Variants in CEP128 observed in about 807,000 individuals in gnomAD.
CEP128 encodes the protein centrosomal protein 128.
Under a neutral mutation model 156.7 loss-of-function variants are expected in CEP128, and 132 were observed. The observed-to-expected ratio is 0.84, with a 90% CI of 0.73 to 0.97. The LOEUF (loss-of-function observed/expected upper bound fraction) is 0.97. CEP128 is among the 50% of genes least tolerant of loss of function. CEP128 has a pLI of 0.00. For synonymous variants in CEP128, 469 were observed against 448.9 expected, an observed-to-expected ratio of 1.04 and a Z score of -0.57; for missense variants, 1,252 against 1,281.9, an observed-to-expected ratio of 0.98 and a Z score of 0.36.
chr14:80,947,638 A>G (rs758291721), intron 2 of CEP128, among the ~76,000 whole-genome samples: 1 of 152,206 alleles, frequency 6.6e-6, no homozygotes, highest in Non-Finnish European at 1.5e-5. Flanking sequence ...GAGTCATGCT[A>G]TAAACAAATG....
At chr14:80,652,526 C>T (rs1467801249) in intron 19 of CEP128, among the ~76,000 whole-genome samples, 2 of 151,986 alleles carry the variant, frequency 1.3e-5, no homozygotes, top group African/African-American at 2.4e-5. Flanking sequence ...AAAAAGTGGG[C>T]AAAGGATATG....
intron 8 of CEP128, among the ~76,000 whole-genome samples, chr14:80,874,554 A>C (rs1312589275): frequency 6.6e-6 from 1 of 152,230 alleles, no homozygotes; most frequent in African/African-American, 2.4e-5. Flanking sequence ...TCACTTCCAG[A>C]AATAACAGAC....
chr14:80,506,924 G>A (rs577932265), intron 23 of CEP128, among the ~76,000 whole-genome samples: 2 of 152,182 alleles, frequency 1.3e-5, no homozygotes, highest in South Asian at 4.2e-4. Context: ...GGCCTGCTGG[G>A]AGGTGGTTGG....
In CEP128 at chr14:80,559,277, A is replaced by T; in HGVS notation, c.2880+2T>A. ...AAGGAGAAAGAAAATGCCCCAACTT[A>T]CCGTTTCTAATGCAATTACACGGTC... On this transcript the variant is annotated splice_donor_variant, in intron 21 of 24. Coordinates refer to ENST00000555265, the MANE Select transcript of CEP128 (RefSeq NM_152446.5). LOFTEE classifies it high-confidence loss of function. 6.2e-7 allele frequency: 1 copy of T among 1,605,318 alleles called. No individual in the cohort carries two copies. Among genetic ancestry groups the T allele is most frequent in the Non-Finnish European group, 8.5e-7 (1 of 1,176,052 alleles).
chr14:80,940,166 C>G (rs1238868639), intron 1 of CEP128, among the ~76,000 whole-genome samples: 1 of 149,844 alleles, frequency 6.7e-6, no homozygotes, highest in Non-Finnish European at 1.5e-5. Context: ...TAAACCATTT[C>G]AAGAAAAAAA....
chr14:80,700,777 T>C (rs1042058599), intron 19 of CEP128, among the ~76,000 whole-genome samples: 1 of 152,154 alleles, frequency 6.6e-6, no homozygotes, highest in Admixed American at 6.5e-5. Context: ...AAATAGGATT[T>C]ATCAAGCACA....
intron 19 of CEP128, among the ~76,000 whole-genome samples, chr14:80,738,050 A>G (rs369652196): frequency 5.4e-4 from 82 of 152,354 alleles, no homozygotes; most frequent in African/African-American, 2.0e-3. Context: ...CTGTTTTGGG[A>G]CTAAAGGACA....
chr14:80,769,572 C>T lies in CEP128; in HGVS notation c.2377-7959G>A, dbSNP rs921988915. On this transcript the variant is annotated intron_variant, in intron 16 of 24. Coordinates refer to ENST00000555265, the MANE Select transcript of CEP128 (RefSeq NM_152446.5). Reference sequence around the variant, plus strand: ...GTTTCCAGCTTCATCCATGTCCCTACAAAGGACATGAACTCATCCTTTTTT... The same window carrying T: ...GTTTCCAGCTTCATCCATGTCCCTATAAAGGACATGAACTCATCCTTTTTT... Among the ~76,000 whole-genome samples, 27 of 152,282 alleles carry T rather than the reference C, an allele frequency of 1.8e-4. No homozygotes were observed. In the East Asian group the frequency reaches 5.2e-3, roughly 29 times the overall value.
intron 19 of CEP128, among the ~76,000 whole-genome samples, chr14:80,596,712 C>T: frequency 7.4e-6 from 1 of 135,334 alleles, no homozygotes; most frequent in Non-Finnish European, 1.5e-5. Context: ...ACTTGGGAGG[C>T]TGAGGCAGAA....
At chr14:80,641,292 C>T (rs1279350725) in intron 19 of CEP128, among the ~76,000 whole-genome samples, 1 of 152,220 alleles carries the variant, frequency 6.6e-6, no homozygotes, top group East Asian at 1.9e-4. Context: ...CTGCTTCTAA[C>T]TGAATCTTTA....
At chr14:80,665,853 C>T (rs1566843440) in intron 19 of CEP128, among the ~76,000 whole-genome samples, 1 of 151,838 alleles carries the variant, frequency 6.6e-6, no homozygotes, top group Admixed American at 6.6e-5. Context: ...AAAAAAAATA[C>T]AGCTACACCA....
intron 19 of CEP128, among the ~76,000 whole-genome samples, chr14:80,615,670 G>C (rs1893178569): frequency 6.6e-6 from 1 of 152,020 alleles, no homozygotes; most frequent in Admixed American, 6.6e-5. Context: ...CCAATATAAT[G>C]AAACCCCATC....
intron 8 of CEP128, among the ~76,000 whole-genome samples, chr14:80,889,695 C>A (rs1888990438): frequency 6.6e-6 from 1 of 152,122 alleles, no homozygotes; most frequent in Non-Finnish European, 1.5e-5. Flanking sequence ...ACAGCCAATA[C>A]CTTTCAGGAC....
At chr14:80,821,552 T>G (rs1885170924) in intron 13 of CEP128, among the ~76,000 whole-genome samples, 1 of 151,366 alleles carries the variant, frequency 6.6e-6, no homozygotes, top group Non-Finnish European at 1.5e-5. Context: ...TTATCAATAC[T>G]TCATATTTTC....
chr14:80,600,332 C>T (rs1299211390), intron 19 of CEP128, among the ~76,000 whole-genome samples: 2 of 152,124 alleles, frequency 1.3e-5, no homozygotes, highest in Non-Finnish European at 2.9e-5. Context: ...CACCTAGATA[C>T]ATCATAATCA....
At position 80,551,464 on chromosome 14, in the gene CEP128, A is replaced by G. The variant is rs577164772; in HGVS notation, c.2880+7815T>C. On this transcript the variant is annotated intron_variant, in intron 21 of 24. Transcript: ENST00000555265. The stretch of plus-strand genomic sequence containing the variant: ...AAAGCCAGTCCTTACTGTCAAACCA[A>G]TCAGACAAATCACACTTGCTTTATG... Among the ~76,000 whole-genome samples, 496 of 152,322 alleles carry G rather than the reference A, an allele frequency of 3.3e-3. 4 individuals are homozygous for G. Among genetic ancestry groups the G allele is most frequent in the African/African-American group, 0.011 (474 of 41,572 alleles).
At chr14:80,761,684 G>T in intron 16 of CEP128, 71 bp from the exon 17 acceptor site, 1 of 1,098,068 alleles carries the variant, frequency 9.1e-7, no homozygotes, top group South Asian at 1.9e-5. Context: ...TGTAATATCT[G>T]TTCAACCAAC....
intron 8 of CEP128, 43 bp from the exon 9 acceptor site, chr14:80,862,916 A>T: frequency 2.2e-6 from 3 of 1,365,356 alleles, no homozygotes; most frequent in South Asian, 2.3e-5. Context: ...TAGAGCTAGC[A>T]AGCAAAACAG....
At chr14:80,812,606 T>C (rs1884622677) in intron 13 of CEP128, among the ~76,000 whole-genome samples, 1 of 149,754 alleles carries the variant, frequency 6.7e-6, no homozygotes, top group Non-Finnish European at 1.5e-5. Flanking sequence ...TCTCGCTCTG[T>C]TGCCCAGGCT....
Sources: gnomAD v4.1 joint callset for allele counts (sites outside exome capture counted in the v4.1 genomes callset) on GRCh38, gnomAD v4.1.1 for gene constraint, MANE v1.5 for transcripts, NCBI Gene and HGNC (gene_info 2026-07-23, HGNC 2026-07-21) for gene names.